The following C5orf22 variants were observed in gnomAD, a reference collection of about 807,000 sequenced individuals.
C5orf22 encodes the protein UPF0489 protein C5orf22.
A neutral mutation model predicts 48.7 loss-of-function variants in C5orf22; 36 were observed. The observed-to-expected ratio is 0.74, with a 90% CI of 0.57 to 0.98. The LOEUF (loss-of-function observed/expected upper bound fraction) is 0.98. C5orf22 is among the 50% of genes least tolerant of loss of function. The probability of loss-of-function intolerance (pLI) is 0.00; values close to 1 mark genes in which losing one functional copy is unlikely to be tolerated. For missense variants in C5orf22, 486 were observed against 521.9 expected, an observed-to-expected ratio of 0.93 and a Z score of 0.67; for synonymous variants, 141 against 180.8, an observed-to-expected ratio of 0.78 and a Z score of 1.76.
intron 7 of C5orf22, 112 bp from the exon 8 acceptor site, chr5:31,551,181 C>T (rs977783615): frequency 3.6e-5 from 37 of 1,031,408 alleles, no homozygotes; most frequent in Non-Finnish European, 5.0e-5. Context: ...AAAATATGCA[C>T]ATCTTTTATG....
intron 7 of C5orf22, among the ~76,000 whole-genome samples, chr5:31,549,881 GAGAA>G (rs993108240): frequency 1.4e-4 from 22 of 152,264 alleles, no homozygotes; most frequent in African/African-American, 5.1e-4. Flanking sequence ...AATTTAAAAA[GAGAA>G]AGAAAATGCT....
intron 1 of C5orf22, among the ~76,000 whole-genome samples, chr5:31,533,224 G>A (rs1339470972): frequency 6.6e-6 from 1 of 151,618 alleles, no homozygotes; most frequent in Non-Finnish European, 1.5e-5. Context: ...AAAGTGCTGG[G>A]ATTGCAGGCG....
chr5:31,536,129 A>C (rs1182121998), intron 3 of C5orf22, among the ~76,000 whole-genome samples: 1 of 152,186 alleles, frequency 6.6e-6, no homozygotes, highest in African/African-American at 2.4e-5. Flanking sequence ...TATCCTCCGG[A>C]ATTTGGGCTT....
At position 31,555,001 on chromosome 5, in the gene C5orf22, G is replaced by C. The variant is rs1249451217; in HGVS notation, c.*2099G>C. ...AGGGGATACCGTGGTACAGTGTTTTGAATTGTGTACTAATATCATTAAAGC... is the reference window on the plus strand; with the variant it reads ...AGGGGATACCGTGGTACAGTGTTTTCAATTGTGTACTAATATCATTAAAGC... On this transcript the variant is annotated 3_prime_UTR_variant, in exon 9 of 9. Coordinates refer to ENST00000325366, the MANE Select transcript of C5orf22 (RefSeq NM_018356.3). 2.0e-5 allele frequency: 3 copies of C among 152,150 alleles called. No homozygotes were observed. Among genetic ancestry groups the C allele is most frequent in the African/African-American group, 7.2e-5 (3 of 41,422 alleles). The allele number at this position is 152,150 out of a possible 1,614,324, so 9.4% of individuals were successfully genotyped here.
At chr5:31,550,880 G>T (rs901151472) in intron 7 of C5orf22, among the ~76,000 whole-genome samples, 1 of 152,050 alleles carries the variant, frequency 6.6e-6, no homozygotes, top group African/African-American at 2.4e-5. Flanking sequence ...TTAGAATCTA[G>T]ATGAAATGGA....
chr5:31,551,142 A>T, intron 7 of C5orf22, 151 bp from the exon 8 acceptor site: 1 of 687,218 alleles, frequency 1.5e-6, no homozygotes, highest in Non-Finnish European at 2.4e-6. Context: ...TTTGATCTTT[A>T]TATGCTATTA....
chr5:31,544,418 C>T lies in C5orf22; in HGVS notation c.993-1228C>T, dbSNP rs181216657. ...CTAACACGGTGAAACCCCGTCTCTA[C>T]TAAAAAATAAAAAAAATTAGCCGGG... On this transcript the variant is annotated intron_variant, in intron 6 of 8. Coordinates refer to ENST00000325366, the MANE Select transcript of C5orf22 (RefSeq NM_018356.3). Among the ~76,000 whole-genome samples the T allele has an allele frequency of 3.6e-3, 550 of 152,122 alleles. 3 individuals carry two copies. Among genetic ancestry groups the T allele is most frequent in the African/African-American group, 0.013 (523 of 41,504 alleles).
At chr5:31,544,299 T>C (rs925030879) in intron 6 of C5orf22, among the ~76,000 whole-genome samples, 5 of 152,174 alleles carry the variant, frequency 3.3e-5, no homozygotes, top group African/African-American at 1.2e-4. Flanking sequence ...AAAGCATCAA[T>C]GTGGCCGGGC....
chr5:31,532,900 G>T (rs1435824713), intron 1 of C5orf22, among the ~76,000 whole-genome samples: 1 of 152,076 alleles, frequency 6.6e-6, no homozygotes, highest in African/African-American at 2.4e-5. Flanking sequence ...GACAGTAATC[G>T]TAGGACTCAC....
At chr5:31,539,912 C>T (rs148868044) in intron 4 of C5orf22, among the ~76,000 whole-genome samples, 222 of 151,920 alleles carry the variant, frequency 1.5e-3, no homozygotes, top group African/African-American at 5.2e-3. Context: ...TTTAGCCAGG[C>T]ATAGTGGCAC....
intron 1 of C5orf22, among the ~76,000 whole-genome samples, chr5:31,532,760 G>T (rs1580424580): frequency 6.6e-6 from 1 of 152,032 alleles, no homozygotes; most frequent in Admixed American, 6.6e-5. Flanking sequence ...GGACAGTCTG[G>T]CTGCAGAGCC....
At chr5:31,542,243 G>A (rs1453903576) in intron 6 of C5orf22, among the ~76,000 whole-genome samples, 1 of 151,030 alleles carries the variant, frequency 6.6e-6, no homozygotes, top group East Asian at 1.9e-4. Context: ...GAGGTTAGGA[G>A]ATCGAGACCA....
intron 7 of C5orf22, among the ~76,000 whole-genome samples, chr5:31,550,639 C>A (rs35567910): frequency 6.6e-6 from 1 of 152,038 alleles, no homozygotes; most frequent in South Asian, 2.1e-4. Flanking sequence ...GATCTTGGCT[C>A]ACTGTAACCT....
intron 1 of C5orf22, 72 bp from the exon 2 acceptor site, chr5:31,534,200 T>G: frequency 7.8e-7 from 1 of 1,283,948 alleles, no homozygotes; most frequent in South Asian, 1.4e-5. Flanking sequence ...TAGCATTGTT[T>G]TTCAGTCTGC....
rs1003179077 is a variant in C5orf22, at chr5:31,535,775, G to A, written c.259G>A (p.Ala87Thr). The A allele has an allele frequency of 6.2e-7, 1 of 1,610,472 alleles. No individual in the cohort carries two copies. Among genetic ancestry groups the A allele is most frequent in the Admixed American group, 1.7e-5 (1 of 59,200 alleles). Residue 87 changes from alanine (A) to threonine (T), a missense_variant, in exon 3 of 9, where the codon GCA (alanine) becomes ACA (threonine). Transcript: ENST00000325366. ...AAGTATTGAAAATTGGATTATGCCT[G>A]CAGTTTATGCTGGCCATTTTTCACA... ...ELSIENWIMPAVYAGHFSHVI... is the reference protein window; with the variant it reads ...ELSIENWIMPTVYAGHFSHVI...
intron 4 of C5orf22, among the ~76,000 whole-genome samples, chr5:31,539,000 A>G (rs1742285859): frequency 6.6e-6 from 1 of 152,234 alleles, no homozygotes; most frequent in Non-Finnish European, 1.5e-5. Flanking sequence ...ATTAAGTCAT[A>G]CAGTACAGGT....
At chr5:31,551,215 C>G (rs1743237571) in intron 7 of C5orf22, 78 bp from the exon 8 acceptor site, 2 of 1,377,206 alleles carry the variant, frequency 1.5e-6, no homozygotes, top group Non-Finnish European at 2.0e-6. Context: ...AAAGATTTGT[C>G]AATAAGGCCA....
chr5:31,552,012 GTTC>G (rs1444127848), intron 8 of C5orf22, among the ~76,000 whole-genome samples: 6 of 152,142 alleles, frequency 3.9e-5, no homozygotes, highest in African/African-American at 1.4e-4. Context: ...ACTAATTCCA[GTTC>G]TTCTATAAAG....
chr5:31,546,496 AT>A (rs1171619574), intron 7 of C5orf22, among the ~76,000 whole-genome samples: 1 of 152,162 alleles, frequency 6.6e-6, no homozygotes, highest in Non-Finnish European at 1.5e-5. Flanking sequence ...ATTTATAAGA[AT>A]TTGCTGGTAC....
Sources: allele counts gnomAD v4.1 joint callset (sites outside exome capture counted in the v4.1 genomes callset), GRCh38; gene constraint gnomAD v4.1.1; transcripts MANE v1.5; gene names NCBI Gene and HGNC (gene_info 2026-07-23, HGNC 2026-07-21).